PTPRT: variants seen among roughly 807,000 people sequenced by gnomAD.
The protein encoded by PTPRT is receptor-type tyrosine-protein phosphatase T.
PTPRT carries 56 observed loss-of-function variants against 176.8 expected under a neutral mutation model. That is an observed-to-expected ratio of 0.32 (90% confidence interval 0.26 to 0.40). The LOEUF (loss-of-function observed/expected upper bound fraction) is 0.40, where lower values mean the gene tolerates loss of function less well. Ranked by LOEUF, PTPRT falls within the 10% of genes least tolerant of loss-of-function variation. PTPRT has a pLI of 1.00. For missense variants in PTPRT, 1,540 were observed against 1,908.2 expected, an observed-to-expected ratio of 0.81 and a Z score of 3.60; for synonymous variants, 783 against 739.0, an observed-to-expected ratio of 1.06 and a Z score of -0.96.
At chr20:42,547,984 A>G (rs889468058) in intron 7 of PTPRT, among the ~76,000 whole-genome samples, 1 of 152,040 alleles carries the variant, frequency 6.6e-6, no homozygotes, top group African/African-American at 2.4e-5. Context: ...GATAACAAAA[A>G]CTATAATATG....
chr20:42,306,142 A>G (rs972229050), intron 12 of PTPRT, among the ~76,000 whole-genome samples: 2 of 152,236 alleles, frequency 1.3e-5, no homozygotes, highest in African/African-American at 4.8e-5. Flanking sequence ...GTCTCATACC[A>G]TGATAATAAA....
chr20:42,397,402 G>A (rs1195373827), intron 9 of PTPRT, among the ~76,000 whole-genome samples: 5 of 152,190 alleles, frequency 3.3e-5, no homozygotes, highest in Admixed American at 3.3e-4. Flanking sequence ...CTGTCACCCA[G>A]GTAGTGAGTG....
At chr20:42,404,408 C>T (rs979996432) in intron 9 of PTPRT, among the ~76,000 whole-genome samples, 3 of 152,148 alleles carry the variant, frequency 2.0e-5, no homozygotes, top group East Asian at 1.9e-4. Context: ...ATTCATTCAA[C>T]CATCATTCTT....
intron 7 of PTPRT, among the ~76,000 whole-genome samples, chr20:42,638,883 T>A (rs913846077): frequency 2.6e-5 from 4 of 152,134 alleles, no homozygotes; most frequent in Non-Finnish European, 1.5e-5. Context: ...GATAAACCCA[T>A]GAATTAATGG....
At chr20:42,140,592 C>T (rs555383464) in intron 18 of PTPRT, among the ~76,000 whole-genome samples, 80 of 152,140 alleles carry the variant, frequency 5.3e-4, no homozygotes, top group Non-Finnish European at 1.1e-3. Context: ...CCCCATCATC[C>T]CTTGGTGAGA....
chr20:42,101,353 G>A (rs1167258766), intron 26 of PTPRT, among the ~76,000 whole-genome samples: 1 of 152,186 alleles, frequency 6.6e-6, no homozygotes, highest in African/African-American at 2.4e-5. Flanking sequence ...CTGCTGAAAA[G>A]TGCATGGCTG....
At chr20:42,290,199 A>G (rs2057296013) in intron 12 of PTPRT, among the ~76,000 whole-genome samples, 3 of 152,072 alleles carry the variant, frequency 2.0e-5, no homozygotes, top group African/African-American at 7.2e-5. Flanking sequence ...TGTATTTTCT[A>G]TTTGATCTCT....
intron 7 of PTPRT, among the ~76,000 whole-genome samples, chr20:42,585,738 A>G (rs1245395722): frequency 6.6e-6 from 1 of 152,116 alleles, no homozygotes; most frequent in East Asian, 1.9e-4. Flanking sequence ...TTACCTGTAG[A>G]TTGCTTTATG....
chr20:42,679,485 T>C (rs558325513), intron 6 of PTPRT, among the ~76,000 whole-genome samples: 1 of 152,022 alleles, frequency 6.6e-6, no homozygotes, highest in East Asian at 1.9e-4. Flanking sequence ...TTATTTGCAG[T>C]AAAAATGGCA....
chr20:42,796,034 C>T (rs2077449263), intron 2 of PTPRT, among the ~76,000 whole-genome samples: 1 of 152,122 alleles, frequency 6.6e-6, no homozygotes. Context: ...GAGGTGGTGC[C>T]ATGCAATCTC....
chr20:42,220,052 T>TATA (rs11472399), intron 15 of PTPRT, among the ~76,000 whole-genome samples: 22,818 of 151,182 alleles, frequency 0.15, 1,950 homozygotes, highest in East Asian at 0.35. Context: ...TATATATATA[T>TATA]TTTTCAACAT....
At chr20:42,102,420 TC>T (rs767424292) in intron 25 of PTPRT, 123 bp from the exon 26 acceptor site, 5 of 1,053,812 alleles carry the variant, frequency 4.7e-6, no homozygotes, top group Non-Finnish European at 5.4e-6. Context: ...AGCCCCACTC[TC>T]CCTTTCCCGG....
At chr20:42,215,473 C>T (rs2055746535) in intron 15 of PTPRT, among the ~76,000 whole-genome samples, 1 of 152,150 alleles carries the variant, frequency 6.6e-6, no homozygotes, top group East Asian at 1.9e-4. Context: ...ATCCTCCTTC[C>T]TTGCCCCAGC....
chr20:42,507,707 G>T (rs1004096711), intron 7 of PTPRT, among the ~76,000 whole-genome samples: 13 of 152,100 alleles, frequency 8.5e-5, no homozygotes, highest in Non-Finnish European at 1.8e-4. Context: ...TGAGAATAGA[G>T]GGAATTGGTA....
At chr20:43,042,895 T>C (rs532636950) in intron 1 of PTPRT, among the ~76,000 whole-genome samples, 21 of 152,256 alleles carry the variant, frequency 1.4e-4, no homozygotes, top group Non-Finnish European at 1.8e-4. Context: ...ACATCTTTGC[T>C]ATTCTCCTCC....
chr20:42,924,734 TGA>T (rs1024936840), intron 1 of PTPRT, among the ~76,000 whole-genome samples: 10 of 152,184 alleles, frequency 6.6e-5, no homozygotes, highest in African/African-American at 2.4e-4. Flanking sequence ...GAAATGGGGT[TGA>T]GAGAGATTAG....
intron 1 of PTPRT, among the ~76,000 whole-genome samples, chr20:42,909,941 G>T (rs1041889348): frequency 3.3e-5 from 5 of 152,164 alleles, no homozygotes; most frequent in Admixed American, 6.5e-5. Context: ...ATGCCAATCG[G>T]TATTTCAGAG....
At chr20:42,401,133 TAATA>T (rs10608287) in intron 9 of PTPRT, among the ~76,000 whole-genome samples, 32,382 of 148,254 alleles carry the variant, frequency 0.22, 3,636 homozygotes, top group Middle Eastern at 0.27. Flanking sequence ...GTCAAAACAG[TAATA>T]AATAAATAAA....
chr20:43,126,322 G>A (rs1008187593), intron 1 of PTPRT, among the ~76,000 whole-genome samples: 7 of 150,632 alleles, frequency 4.6e-5, no homozygotes, highest in African/African-American at 1.7e-4. Flanking sequence ...TTGCACTCTA[G>A]CCTGGGCAAC....
Sources: allele counts gnomAD v4.1 joint callset (sites outside exome capture counted in the v4.1 genomes callset), GRCh38; gene constraint gnomAD v4.1.1; transcripts MANE v1.5; gene names NCBI Gene and HGNC (gene_info 2026-07-23, HGNC 2026-07-21).